MBNL1: variants seen among roughly 807,000 people sequenced by gnomAD.
MBNL1 encodes muscleblind like splicing regulator 1.
Under a neutral mutation model 42.2 loss-of-function variants are expected in MBNL1, and 8 were observed. The observed-to-expected ratio is 0.19, with a 90% confidence interval of 0.11 to 0.34. The LOEUF (loss-of-function observed/expected upper bound fraction) is 0.34. Among genes scored for constraint, MBNL1 ranks in the 10% least tolerant of loss-of-function variants. The probability of loss-of-function intolerance (pLI) is 1.00; values close to 1 mark genes in which losing one functional copy is unlikely to be tolerated. For synonymous variants in MBNL1, 169 were observed against 173.9 expected, an observed-to-expected ratio of 0.97 and a Z score of 0.22; for missense variants, 309 against 495.3, an observed-to-expected ratio of 0.62 and a Z score of 3.57.
intron 2 of MBNL1, chr3:152,335,328 T>G (rs1240156348): frequency 1.7e-6 from 2 of 1,155,138 alleles, no homozygotes; most frequent in African/African-American, 3.2e-5. Flanking sequence ...GGAAATGGCT[T>G]TTGGTATTCT....
intron 2 of MBNL1, among the ~76,000 whole-genome samples, chr3:152,346,877 T>C (rs2094328600): frequency 1.1e-5 from 1 of 91,362 alleles, no homozygotes; most frequent in African/African-American, 6.2e-5. Context: ...CAAATCACTT[T>C]AATTAAAAAA....
At chr3:152,279,746 C>T (rs1186909749) in intron 1 of MBNL1, among the ~76,000 whole-genome samples, 3 of 152,054 alleles carry the variant, frequency 2.0e-5, no homozygotes, top group Admixed American at 2.0e-4. Flanking sequence ...AATGTACTTT[C>T]TCACCAATAG....
At chr3:152,421,226 G>A (rs2098799558) in intron 3 of MBNL1, among the ~76,000 whole-genome samples, 1 of 152,152 alleles carries the variant, frequency 6.6e-6, no homozygotes, top group African/African-American at 2.4e-5. Context: ...CCCCAACCTA[G>A]CAAGATAGGC....
chr3:152,443,493 C>A (rs2099172452), intron 4 of MBNL1, among the ~76,000 whole-genome samples: 1 of 151,808 alleles, frequency 6.6e-6, no homozygotes, highest in Non-Finnish European at 1.5e-5. Flanking sequence ...CATACACACA[C>A]ACACACACAC....
At chr3:152,354,280 C>A (rs890121632) in intron 2 of MBNL1, among the ~76,000 whole-genome samples, 2 of 152,072 alleles carry the variant, frequency 1.3e-5, no homozygotes, top group Admixed American at 6.6e-5. Context: ...CATAGCAAGA[C>A]CCTGTCTCTA....
rs138852278 is a variant in MBNL1, at chr3:152,281,057, C to T, written c.-790+11965C>T. Among the ~76,000 whole-genome samples the T allele has an allele frequency of 4.2e-3, 637 of 152,208 alleles. 2 individuals carry two copies. The highest frequency in any genetic ancestry group is 6.4e-3 in the Non-Finnish European group (435 of 68,004). On this transcript the variant is annotated intron_variant, in intron 1 of 9. Transcript: ENST00000324210. ...AATAAAAGCAAAACAACAAAAGACTCGAGCTTTAGCCATTCTAGTAATTAT... is the reference window on the plus strand; with the variant it reads ...AATAAAAGCAAAACAACAAAAGACTTGAGCTTTAGCCATTCTAGTAATTAT...
chr3:152,265,048 T>C (rs1352592301), upstream of MBNL1: 3 of 152,164 alleles, frequency 2.0e-5, no homozygotes, highest in Non-Finnish European at 2.9e-5. Context: ...TTCTCTCAAG[T>C]ATATGTATTC....
At chr3:152,419,563 C>G (rs1486090495) in intron 3 of MBNL1, among the ~76,000 whole-genome samples, 1 of 152,222 alleles carries the variant, frequency 6.6e-6, no homozygotes, top group East Asian at 1.9e-4. Flanking sequence ...ACACTTTTCC[C>G]ATGGTCTTCG....
chr3:152,329,500 T>A (rs924090333), intron 2 of MBNL1, among the ~76,000 whole-genome samples: 3 of 149,862 alleles, frequency 2.0e-5, no homozygotes, highest in African/African-American at 7.4e-5. Context: ...AGAAAAAAAA[T>A]TAGCCAGGCA....
chr3:152,247,856 CATT>C (rs1434689841), intron 2 of MBNL1, among the ~76,000 whole-genome samples: 1 of 151,818 alleles, frequency 6.6e-6, no homozygotes, highest in Non-Finnish European at 1.5e-5. Context: ...ATAAAAATGT[CATT>C]AGAATCATTC....
At chr3:152,257,772 C>G (rs1363369522) in intron 2 of MBNL1, among the ~76,000 whole-genome samples, 1 of 152,158 alleles carries the variant, frequency 6.6e-6, no homozygotes, top group African/African-American at 2.4e-5. Flanking sequence ...AATTTTCCTT[C>G]CTGTGGCGAC....
At chr3:152,436,118 A>C (rs2099075207) in intron 4 of MBNL1, among the ~76,000 whole-genome samples, 1 of 152,190 alleles carries the variant, frequency 6.6e-6, no homozygotes, top group African/African-American at 2.4e-5. Flanking sequence ...GTATGAACAT[A>C]ATTGATTCTA....
upstream of MBNL1, chr3:152,268,364 C>A (rs2037849248): frequency 5.4e-6 from 1 of 185,886 alleles, no homozygotes; most frequent in Non-Finnish European, 1.2e-5. Context: ...GTTTTTCCCG[C>A]CTGTTAGCCC....
chr3:152,434,739 A>G (rs149181372), intron 4 of MBNL1, among the ~76,000 whole-genome samples: 1 of 152,224 alleles, frequency 6.6e-6, no homozygotes, highest in East Asian at 1.9e-4. Flanking sequence ...AATAATAGAC[A>G]TTTTAACTGG....
intron 3 of MBNL1, among the ~76,000 whole-genome samples, chr3:152,415,845 A>G (rs778607664): frequency 2.6e-5 from 4 of 152,228 alleles, no homozygotes; most frequent in Non-Finnish European, 5.9e-5. Flanking sequence ...TGTGTAATAA[A>G]TGACTTTAAT....
At chr3:152,340,647 G>A in intron 2 of MBNL1, 2 of 1,613,988 alleles carry the variant, frequency 1.2e-6, no homozygotes, top group African/African-American at 1.3e-5. Flanking sequence ...AAGCGTAAAT[G>A]TTCCAGAGTG....
At chr3:152,386,322 C>T (rs181588056) in intron 2 of MBNL1, among the ~76,000 whole-genome samples, 126 of 152,136 alleles carry the variant, frequency 8.3e-4, no homozygotes, top group African/African-American at 2.9e-3. Flanking sequence ...TTACACCCTT[C>T]TCTAATTGTG....
chr3:152,417,087 TTTAA>T (rs1456825806), intron 3 of MBNL1, among the ~76,000 whole-genome samples: 4 of 152,224 alleles, frequency 2.6e-5, no homozygotes, highest in Admixed American at 1.3e-4. Flanking sequence ...CAGAAATCAT[TTTAA>T]TTATTCAATT....
intron 1 of MBNL1, among the ~76,000 whole-genome samples, chr3:152,277,591 C>CT (rs35563172): frequency 0.31 from 47,773 of 151,808 alleles, 7,857 homozygotes; most frequent in East Asian, 0.54. Context: ...TAAACAGTTG[C>CT]TTTTGGTTAA....
Sources: allele counts gnomAD v4.1 joint callset (sites outside exome capture counted in the v4.1 genomes callset), GRCh38; gene constraint gnomAD v4.1.1; transcripts MANE v1.5; gene names NCBI Gene and HGNC (gene_info 2026-07-23, HGNC 2026-07-21).